ACSM3: variants seen among roughly 807,000 people sequenced by gnomAD.
The protein encoded by ACSM3 is acyl-coenzyme A synthetase ACSM3, mitochondrial.
ACSM3 carries 61 observed loss-of-function variants against 74.1 expected under a neutral mutation model. The observed-to-expected ratio is 0.82, with a 90% confidence interval of 0.67 to 1.02. The LOEUF (loss-of-function observed/expected upper bound fraction) is 1.02, where lower values mean the gene tolerates loss of function less well. Ranked by LOEUF, ACSM3 falls within the 50% of genes least tolerant of loss-of-function variation. ACSM3 has a pLI of 0.00. For synonymous variants in ACSM3, 213 were observed against 241.5 expected (o/e 0.88, Z 1.09); for missense variants, 660 against 697.0 (o/e 0.95, Z 0.60).
chr16:20,699,933 G>A (rs1361035961), intron 1 of ACSM3, among the ~76,000 whole-genome samples: 1 of 152,138 alleles, frequency 6.6e-6, no homozygotes, highest in East Asian at 1.9e-4. Context: ...TAAAGCTAAA[G>A]TGAGGCCATT....
At chr16:20,675,337 G>A (rs923913202) in intron 1 of ACSM3, among the ~76,000 whole-genome samples, 3 of 152,180 alleles carry the variant, frequency 2.0e-5, no homozygotes. Context: ...AGATCCCTTA[G>A]CGCAGGCTGT....
intron 1 of ACSM3, among the ~76,000 whole-genome samples, chr16:20,723,203 G>A (rs1596485379): frequency 6.6e-6 from 1 of 152,266 alleles, no homozygotes; most frequent in Non-Finnish European, 1.5e-5. Context: ...TCCCTACAAA[G>A]GACATGAACT....
chr16:20,777,683 A>G, intron 4 of ACSM3, 103 bp downstream of exon 4: 1 of 989,016 alleles, frequency 1.0e-6, no homozygotes, highest in Non-Finnish European at 1.5e-6. Flanking sequence ...TTAAAACAAC[A>G]GGCAAAGGGA....
chr16:20,709,899 C>G (rs1056820091), intron 1 of ACSM3, among the ~76,000 whole-genome samples: 4 of 152,170 alleles, frequency 2.6e-5, no homozygotes, highest in Non-Finnish European at 1.5e-5. Context: ...CACTTACTGA[C>G]TTTGTGACCC....
intron 1 of ACSM3, among the ~76,000 whole-genome samples, chr16:20,711,148 C>T (rs1271554544): frequency 6.6e-6 from 1 of 151,952 alleles, no homozygotes; most frequent in Non-Finnish European, 1.5e-5. Flanking sequence ...AATGGCCCAC[C>T]ATAATAATGT....
chr16:20,785,144 A>G, intron 8 of ACSM3, 37 bp downstream of exon 8: 1 of 1,609,284 alleles, frequency 6.2e-7, no homozygotes, highest in Non-Finnish European at 8.5e-7. Flanking sequence ...GCTGGATTCC[A>G]TTTAGTCAGA....
At chr16:20,787,719 T>C (rs1210312354) in intron 9 of ACSM3, among the ~76,000 whole-genome samples, 2 of 152,258 alleles carry the variant, frequency 1.3e-5, no homozygotes, top group African/African-American at 4.8e-5. Context: ...GGTCTCAAGA[T>C]AGGATAGCCT....
At chr16:20,721,039 A>G (rs1359134624) in intron 1 of ACSM3, 1 of 152,208 alleles carries the variant, frequency 6.6e-6, no homozygotes, top group African/African-American at 2.4e-5. Context: ...CTGTTAAGAA[A>G]GTGGTGAAAG....
chr16:20,796,131 C>G, intron 12 of ACSM3: 1 of 497,928 alleles, frequency 2.0e-6, no homozygotes, highest in Non-Finnish European at 3.4e-6. Flanking sequence ...ATAAGTAATC[C>G]CCCATGCTGA....
In ACSM3 at chr16:20,682,093, C is replaced by G; in HGVS notation, c.-190+7271C>G. 3 of 649,692 alleles carry G rather than the reference C, an allele frequency of 4.6e-6. No individual in the cohort carries two copies. The South Asian group carries it at 5.9e-5, about 13-fold the overall frequency. The allele number at this position is 649,692 out of a possible 1,614,324, so 40.2% of individuals were successfully genotyped here. On this transcript the variant is annotated intron_variant, in intron 1 of 3. Transcript: ENST00000561584. ...ACCCCATGAAATGCTTAAAAGGTAA[C>G]CTGACTCTTTGTTCAGGGCTCAGTC...
intron 1 of ACSM3, among the ~76,000 whole-genome samples, chr16:20,709,540 G>A (rs2079737830): frequency 6.6e-6 from 1 of 152,152 alleles, no homozygotes; most frequent in African/African-American, 2.4e-5. Flanking sequence ...TCAACCTATT[G>A]AGTGCATTCA....
chr16:20,794,367 C>T (rs1025274432), intron 12 of ACSM3, among the ~76,000 whole-genome samples: 7 of 152,198 alleles, frequency 4.6e-5, no homozygotes, highest in Admixed American at 4.6e-4. Context: ...CCATAGGCCA[C>T]TGTTAAGACT....
chr16:20,773,614 C>T (rs1596514299), intron 2 of ACSM3, among the ~76,000 whole-genome samples: 1 of 152,120 alleles, frequency 6.6e-6, no homozygotes, highest in African/African-American at 2.4e-5. Flanking sequence ...ATCATTGACT[C>T]ACTGGTCATT....
chr16:20,712,740 TAA>T (rs200467690), intron 1 of ACSM3, among the ~76,000 whole-genome samples: 63 of 139,670 alleles, frequency 4.5e-4, no homozygotes, highest in Non-Finnish European at 4.8e-4. Flanking sequence ...AACCTGTCTC[TAA>T]AAAAAAAAAA....
At chr16:20,792,555 T>A (rs2080626780) in intron 12 of ACSM3, 1 of 985,420 alleles carries the variant, frequency 1.0e-6, no homozygotes, top group East Asian at 1.1e-4. Context: ...TGAAAATACG[T>A]ACTAGAAAGA....
chr16:20,793,959 G>C (rs1424961459), intron 12 of ACSM3, among the ~76,000 whole-genome samples: 1 of 152,188 alleles, frequency 6.6e-6, no homozygotes, highest in African/African-American at 2.4e-5. Flanking sequence ...TAAGTGGGTT[G>C]TGGTCCCCTC....
chr16:20,741,481 G>GGGGGC, intron 1 of ACSM3: 1 of 1,308,414 alleles, frequency 7.6e-7, no homozygotes, highest in Non-Finnish European at 9.9e-7. Context: ...CTGGCAGCCG[G>GGGGGC]CCCGCCCGCC....
At chr16:20,744,014 G>T (rs1038568449) in intron 1 of ACSM3, among the ~76,000 whole-genome samples, 1 of 152,164 alleles carries the variant, frequency 6.6e-6, no homozygotes, top group Admixed American at 6.5e-5. Context: ...TTTAAGTTTG[G>T]CCTAAATCAA....
intron 7 of ACSM3, among the ~76,000 whole-genome samples, chr16:20,782,463 C>T (rs2080373898): frequency 1.3e-5 from 2 of 152,176 alleles, no homozygotes; most frequent in South Asian, 4.1e-4. Context: ...CCTCATAACT[C>T]AACTCCCAGC....
Sources: allele counts gnomAD v4.1 joint callset (sites outside exome capture counted in the v4.1 genomes callset), GRCh38; gene constraint gnomAD v4.1.1; transcripts MANE v1.5; gene names NCBI Gene and HGNC (gene_info 2026-07-23, HGNC 2026-07-21).